The following SCN7A variants were observed in gnomAD, a reference collection of about 807,000 sequenced individuals.
SCN7A encodes the protein sodium channel protein type 7 subunit alpha.
Under a neutral mutation model 155.2 loss-of-function variants are expected in SCN7A, and 138 were observed. That is an observed-to-expected ratio of 0.89 (90% CI 0.77 to 1.02). The LOEUF is 1.02. Among genes scored for constraint, SCN7A ranks in the 50% least tolerant of loss-of-function variants. The pLI, the probability that SCN7A is intolerant of heterozygous loss-of-function variation, is 0.00. For synonymous variants in SCN7A, 693 were observed against 649.0 expected (o/e 1.07, Z -1.03); for missense variants, 2,058 against 1,986.6 (o/e 1.04, Z -0.68).
rs1466778805 is a variant in SCN7A, at chr2:166,410,032, TGAG to T, written c.3712-100_3712-98del. On this transcript the variant is annotated intron_variant, in intron 24 of 25. Transcript: ENST00000643258. ...ACTACAACTTTCTTCCCAAAATAAATGAGAATAAGTGTGAACCTAAATTTTTGC... is the reference window on the plus strand; with the variant it reads ...ACTACAACTTTCTTCCCAAAATAAATAATAAGTGTGAACCTAAATTTTTGC... 4 of 1,279,284 alleles carry T rather than the reference TGAG, an allele frequency of 3.1e-6. No individual in the cohort carries two copies. The African/African-American group carries it at 4.5e-5, about 14-fold the overall frequency. The allele number at this position is 1,279,284 out of a possible 1,614,324, so 79.2% of individuals were successfully genotyped here.
chr2:166,473,569 T>C (rs964278467), intron 5 of SCN7A, among the ~76,000 whole-genome samples: 2 of 151,200 alleles, frequency 1.3e-5, no homozygotes. Context: ...TCTTAATGAA[T>C]GGAAAGGAAT....
At chr2:166,486,458 A>G (rs1703050994) in intron 2 of SCN7A, among the ~76,000 whole-genome samples, 1 of 152,310 alleles carries the variant, frequency 6.6e-6, no homozygotes, top group Admixed American at 6.5e-5. Context: ...GCAGTTCCCA[A>G]GTCCTGGAGC....
chr2:166,462,409 G>A lies in SCN7A; in HGVS notation c.1063C>T (p.Pro355Ser), dbSNP rs1217691173. Residue 355 changes from proline (P) to serine (S), a missense_variant, in exon 10 of 26, where the codon CCT (proline) becomes TCT (serine). Transcript: ENST00000643258. ...ALFRLMAQDY[P>S]EVLYHQILYA... ...CTTACCTGGTGATAAAGTACTTCAGGGTAATCCTGAGCCATTAACCGAAAT... is the reference window on the plus strand; with the variant it reads ...CTTACCTGGTGATAAAGTACTTCAGAGTAATCCTGAGCCATTAACCGAAAT... The A allele has an allele frequency of 6.3e-7, 1 of 1,596,080 alleles. No individual in the cohort carries two copies. The highest frequency in any genetic ancestry group is 1.3e-5 in the African/African-American group (1 of 74,810).
At chr2:166,415,836 A>G (rs570875233) in intron 21 of SCN7A, among the ~76,000 whole-genome samples, 1 of 152,236 alleles carries the variant, frequency 6.6e-6, no homozygotes, top group East Asian at 1.9e-4. Flanking sequence ...GAAAAAGAAC[A>G]GAATAACTGT....
At chr2:166,492,014 A>C (rs930831262) in intron 1 of SCN7A, among the ~76,000 whole-genome samples, 9 of 151,984 alleles carry the variant, frequency 5.9e-5, no homozygotes, top group Non-Finnish European at 1.0e-4. Context: ...GGGATTGGGG[A>C]AAATACTGTT....
chr2:166,488,723 C>T (rs190120427), intron 1 of SCN7A, among the ~76,000 whole-genome samples: 20 of 151,650 alleles, frequency 1.3e-4, no homozygotes, highest in African/African-American at 1.9e-4. Flanking sequence ...CTGCAACCTA[C>T]GCCTCCCTGA....
intron 20 of SCN7A, among the ~76,000 whole-genome samples, chr2:166,419,369 T>G (rs1701461909): frequency 6.6e-6 from 1 of 151,168 alleles, no homozygotes; most frequent in South Asian, 2.1e-4. Flanking sequence ...GTCTTTTTTT[T>G]TTTTTTTTGA....
intron 10 of SCN7A, among the ~76,000 whole-genome samples, chr2:166,461,029 A>G (rs1280404662): frequency 6.7e-6 from 1 of 149,972 alleles, no homozygotes; most frequent in African/African-American, 2.4e-5. Flanking sequence ...TTGTGTAAAA[A>G]TGTCACTTGT....
rs752319536 is a variant in SCN7A at position 166,444,908 on chromosome 2, A to G, written c.1480T>C (p.Leu494=). The G allele has an allele frequency of 8.1e-6, 13 of 1,613,406 alleles. No individual in the cohort carries two copies. In the African/African-American group the frequency reaches 1.3e-4, roughly 17 times the overall value. The change falls in exon 13 of 26, where the codon TTG becomes CTG. Residue 494 remains leucine (L), a synonymous_variant. Coordinates refer to ENST00000643258, the MANE Select transcript of SCN7A (RefSeq NM_002976.4). ...ATAATCCTATGGACAAACTCTTTCA[A>G]TTTTAACCAACAGGGAGAACAATTC... ...IWNCSPCWLK[L]KEFVHRIIMA...
chr2:166,483,797 AT>A (rs1702984882), intron 2 of SCN7A, among the ~76,000 whole-genome samples: 1 of 151,924 alleles, frequency 6.6e-6, no homozygotes, highest in Admixed American at 6.6e-5. Flanking sequence ...TTTACACTTT[AT>A]CCTAGCAATT....
In SCN7A at chr2:166,410,011, C is replaced by A. The variant is rs1317244099; in HGVS notation, c.3712-76G>T. Reference sequence around the variant, plus strand: ...CATATATATGGTCTTTTATACACTACAACTTTCTTCCCAAAATAAATGAGA... The same window carrying A: ...CATATATATGGTCTTTTATACACTAAAACTTTCTTCCCAAAATAAATGAGA... On this transcript the variant is annotated intron_variant, in intron 24 of 25. Coordinates refer to ENST00000643258, the MANE Select transcript of SCN7A (RefSeq NM_002976.4). 8.2e-6 allele frequency: 11 copies of A among 1,336,172 alleles called. No homozygotes were observed. In the East Asian group the frequency reaches 2.8e-4, roughly 34 times the overall value. The allele number at this position is 1,336,172 out of a possible 1,614,324, so 82.8% of individuals were successfully genotyped here. A position where few individuals can be genotyped will look rare whatever the true frequency, so the allele number is the denominator to read the frequency against.
chr2:166,443,723 G>A (rs1702006383), intron 13 of SCN7A, 47 bp from the exon 14 acceptor site: 7 of 1,350,456 alleles, frequency 5.2e-6, no homozygotes, highest in Non-Finnish European at 7.0e-6. Context: ...TCCAATAGCT[G>A]TATCAGAATC....
intron 7 of SCN7A, among the ~76,000 whole-genome samples, chr2:166,466,649 T>G (rs983316344): frequency 6.6e-6 from 1 of 152,006 alleles, no homozygotes; most frequent in South Asian, 2.1e-4. Flanking sequence ...TTTTTGTATA[T>G]AAACTTTCTT....
chr2:166,436,838 C>T (rs1163425497), intron 15 of SCN7A, among the ~76,000 whole-genome samples: 3 of 152,148 alleles, frequency 2.0e-5, no homozygotes, highest in Non-Finnish European at 4.4e-5. Context: ...TGGCTTTCTG[C>T]CCTTTCCCTA....
In SCN7A at chr2:166,477,712, T is replaced by G; in HGVS notation, c.-14-2A>C. The G allele has an allele frequency of 1.3e-6, 2 of 1,517,838 alleles. No homozygotes were observed. The highest frequency in any genetic ancestry group is 4.9e-5 in the Admixed American group (2 of 40,658). The allele number at this position is 1,517,838 out of a possible 1,614,324, so 94.0% of individuals were successfully genotyped here. ...AAGCCAACATTTCCAATTTTGTACC[T>G]GCAAAAAATTCTGTATTAAAGTTGG... On this transcript the variant is annotated splice_acceptor_variant, in intron 2 of 25. Coordinates refer to ENST00000643258, the MANE Select transcript of SCN7A (RefSeq NM_002976.4). LOFTEE classifies it low-confidence loss of function (5UTR_SPLICE).
chr2:166,424,564 C>A (rs180775949), intron 18 of SCN7A, among the ~76,000 whole-genome samples: 1 of 151,872 alleles, frequency 6.6e-6, no homozygotes, highest in African/African-American at 2.4e-5. Context: ...AGGCAAGATA[C>A]GTAACTTAGG....
chr2:166,462,157 T>G, intron 10 of SCN7A: 1 of 370,214 alleles, frequency 2.7e-6, no homozygotes, highest in East Asian at 4.1e-5. Flanking sequence ...CTCTCTTCTC[T>G]CTCTCTCTCT....
At position 166,439,926 on chromosome 2, in the gene SCN7A, A is replaced by AT. The variant is rs1349609342; in HGVS notation, c.2157+1469dup. 5.3e-5 allele frequency among the ~76,000 whole-genome samples: 8 copies of AT among 152,110 alleles called. No homozygotes were observed. In the East Asian group the frequency reaches 9.7e-4, roughly 18 times the overall value. ...CAGGTAAAATTGAGTCTAACCTGCG[A>AT]TTTTTTTTCAGTCTTTTGGGAAATG... On this transcript the variant is annotated intron_variant, in intron 15 of 25. Coordinates refer to ENST00000643258, the MANE Select transcript of SCN7A (RefSeq NM_002976.4).
chr2:166,488,670 C>T (rs1205216139), intron 1 of SCN7A, among the ~76,000 whole-genome samples: 2 of 150,780 alleles, frequency 1.3e-5, no homozygotes, highest in Non-Finnish European at 2.9e-5. Flanking sequence ...CGGAGTCTCA[C>T]TCTGTTGCCC....
Sources: gnomAD v4.1 joint callset for allele counts (sites outside exome capture counted in the v4.1 genomes callset) on GRCh38, gnomAD v4.1.1 for gene constraint, MANE v1.5 for transcripts, NCBI Gene and HGNC (gene_info 2026-07-23, HGNC 2026-07-21) for gene names.